The following SNTG1 variants were observed in gnomAD, a reference collection of about 807,000 sequenced individuals.
The protein encoded by SNTG1 is gamma-1-syntrophin.
Under a neutral mutation model 74.7 loss-of-function variants are expected in SNTG1, and 39 were observed. The observed-to-expected ratio is 0.52, with a 90% CI of 0.40 to 0.68. SNTG1 has a LOEUF of 0.68. Among genes scored for constraint, SNTG1 ranks in the 30% least tolerant of loss-of-function variants. The probability of loss-of-function intolerance (pLI) is 0.00; values close to 1 mark genes in which losing one functional copy is unlikely to be tolerated. For missense variants in SNTG1, 685 were observed against 609.5 expected (o/e 1.12, Z -1.30); for synonymous variants, 254 against 217.1 (o/e 1.17, Z -1.49).
chr8:50,784,733 T>C (rs1385920682), intron 18 of SNTG1, among the ~76,000 whole-genome samples: 2 of 152,174 alleles, frequency 1.3e-5, no homozygotes, highest in African/African-American at 4.8e-5. Context: ...ACATACATTT[T>C]TAACTAAAAT....
At chr8:50,660,638 T>C (rs1042834056) in intron 15 of SNTG1, among the ~76,000 whole-genome samples, 2 of 152,196 alleles carry the variant, frequency 1.3e-5, no homozygotes, top group Non-Finnish European at 2.9e-5. Flanking sequence ...TTATATATTC[T>C]TACTTAGACT....
At chr8:50,474,314 T>A (rs2093677758) in intron 8 of SNTG1, among the ~76,000 whole-genome samples, 1 of 150,474 alleles carries the variant, frequency 6.6e-6, no homozygotes, top group Non-Finnish European at 1.5e-5. Flanking sequence ...GAAAATTTTC[T>A]CAACCTACTC....
At chr8:49,988,666 G>C (rs1813397898) in intron 1 of SNTG1, among the ~76,000 whole-genome samples, 1 of 152,028 alleles carries the variant, frequency 6.6e-6, no homozygotes, top group Non-Finnish European at 1.5e-5. Flanking sequence ...GAACTTTAGA[G>C]AATAACCAAT....
At chr8:50,214,628 T>A (rs910343712) in intron 2 of SNTG1, among the ~76,000 whole-genome samples, 1 of 152,122 alleles carries the variant, frequency 6.6e-6, no homozygotes, top group Non-Finnish European at 1.5e-5. Flanking sequence ...TTTTATTTTC[T>A]GCTCCTGGTA....
chr8:50,779,590 A>G (rs980563706), intron 18 of SNTG1, among the ~76,000 whole-genome samples: 1 of 149,890 alleles, frequency 6.7e-6, no homozygotes, highest in Non-Finnish European at 1.5e-5. Flanking sequence ...TTATCAGCTT[A>G]AGGAGATTTT....
At chr8:50,002,154 G>A (rs1429974516) in intron 1 of SNTG1, among the ~76,000 whole-genome samples, 2 of 152,128 alleles carry the variant, frequency 1.3e-5, no homozygotes, top group African/African-American at 4.8e-5. Context: ...GAAATGATGA[G>A]AATAAGATGT....
intron 13 of SNTG1, among the ~76,000 whole-genome samples, chr8:50,600,657 TTTTA>T (rs1239288673): frequency 3.3e-5 from 5 of 152,146 alleles, no homozygotes; most frequent in East Asian, 1.9e-4. Context: ...TCATCTCTAA[TTTTA>T]TTTATTTGGT....
Position 50,309,278 on chromosome 8 carries a change from G to A in SNTG1, c.-27-84934G>A, listed in dbSNP as rs144560237. On this transcript the variant is annotated intron_variant, in intron 2 of 18. Coordinates refer to ENST00000642720, the MANE Select transcript of SNTG1 (RefSeq NM_018967.5). ...AAAATGACAGGATTTCATGATAAGA[G>A]GGAAGCCGCGTATTTACTCTTTTCT... Among the ~76,000 whole-genome samples, 523 of 152,112 alleles carry A rather than the reference G, an allele frequency of 3.4e-3. 5 individuals are homozygous for A. The highest frequency in any genetic ancestry group is 0.012 in the African/African-American group (498 of 41,490).
At chr8:50,525,082 G>T (rs1332392584) in intron 9 of SNTG1, among the ~76,000 whole-genome samples, 11 of 151,926 alleles carry the variant, frequency 7.2e-5, no homozygotes, top group Admixed American at 5.9e-4. Context: ...AAGTCCCATG[G>T]TTTTTGTTTA....
At chr8:50,562,082 G>A (rs1017104281) in intron 12 of SNTG1, among the ~76,000 whole-genome samples, 2 of 152,132 alleles carry the variant, frequency 1.3e-5, no homozygotes, top group Non-Finnish European at 2.9e-5. Flanking sequence ...ATGTGTAACT[G>A]GAAAGCAATT....
At chr8:50,595,912 T>C (rs146688590) in intron 13 of SNTG1, among the ~76,000 whole-genome samples, 1 of 152,174 alleles carries the variant, frequency 6.6e-6, no homozygotes, top group African/African-American at 2.4e-5. Context: ...TTTTAGTGTA[T>C]TACAGATAAA....
At chr8:50,172,266 A>C (rs1269084495) in intron 1 of SNTG1, among the ~76,000 whole-genome samples, 1 of 152,200 alleles carries the variant, frequency 6.6e-6, no homozygotes, top group Non-Finnish European at 1.5e-5. Context: ...TGGCAAATGA[A>C]ATATCCTCTG....
intron 15 of SNTG1, among the ~76,000 whole-genome samples, chr8:50,701,730 CTTT>C (rs780225364): frequency 0.27 from 35,741 of 130,488 alleles, 4,975 homozygotes; most frequent in South Asian, 0.46. Context: ...TTTTCTTCTT[CTTT>C]TTCTTTTTCT....
intron 18 of SNTG1, among the ~76,000 whole-genome samples, chr8:50,764,868 G>C (rs2095609693): frequency 6.6e-6 from 1 of 151,878 alleles, no homozygotes; most frequent in African/African-American, 2.4e-5. Flanking sequence ...CCAACACACA[G>C]AATCAACCTA....
chr8:50,214,408 T>C (rs1379242552), intron 2 of SNTG1, among the ~76,000 whole-genome samples: 1 of 151,416 alleles, frequency 6.6e-6, no homozygotes, highest in Non-Finnish European at 1.5e-5. Flanking sequence ...TAAAGTATAA[T>C]AATAATAAAA....
intron 11 of SNTG1, among the ~76,000 whole-genome samples, chr8:50,550,014 T>C (rs1585652302): frequency 1.3e-5 from 2 of 152,274 alleles, no homozygotes. Flanking sequence ...ATCTGTAAAT[T>C]GTTCTCATTT....
At chr8:50,293,654 C>T (rs982557536) in intron 2 of SNTG1, among the ~76,000 whole-genome samples, 11 of 152,234 alleles carry the variant, frequency 7.2e-5, no homozygotes, top group African/African-American at 2.6e-4. Context: ...AAGCGATCCA[C>T]CTGCCTCGGC....
chr8:50,042,276 C>T (rs1016831799), intron 1 of SNTG1, among the ~76,000 whole-genome samples: 2 of 152,134 alleles, frequency 1.3e-5, no homozygotes, highest in African/African-American at 4.8e-5. Flanking sequence ...CTAGTCCCCT[C>T]CACCAATTCC....
chr8:50,763,137 G>A (rs2095603771), intron 18 of SNTG1, among the ~76,000 whole-genome samples: 1 of 151,926 alleles, frequency 6.6e-6, no homozygotes, highest in Non-Finnish European at 1.5e-5. Context: ...AACAATCCGT[G>A]ATTCTTGGAA....
Sources: gnomAD v4.1 joint callset for allele counts (sites outside exome capture counted in the v4.1 genomes callset) on GRCh38, gnomAD v4.1.1 for gene constraint, MANE v1.5 for transcripts, NCBI Gene and HGNC (gene_info 2026-07-23, HGNC 2026-07-21) for gene names.